The following SYNPR variants were observed in gnomAD, a reference collection of about 807,000 sequenced individuals.
SYNPR encodes synaptoporin.
SYNPR carries 23 observed loss-of-function variants against 32.9 expected under a neutral mutation model. That is an observed-to-expected ratio of 0.70 (90% CI 0.50 to 0.99). The LOEUF (loss-of-function observed/expected upper bound fraction) is 0.99. Ranked by LOEUF, SYNPR falls within the 50% of genes least tolerant of loss-of-function variation. SYNPR has a pLI of 0.00. For synonymous variants in SYNPR, 146 were observed against 135.9 expected, an observed-to-expected ratio of 1.07 and a Z score of -0.52; for missense variants, 318 against 349.3, an observed-to-expected ratio of 0.91 and a Z score of 0.71.
intron 2 of SYNPR, among the ~76,000 whole-genome samples, chr3:63,362,283 T>TTTG (rs1270024941): frequency 6.6e-6 from 1 of 152,150 alleles, no homozygotes; most frequent in Non-Finnish European, 1.5e-5. Context: ...TTTGGTGTGT[T>TTTG]TTGTTGTTGT....
chr3:63,569,113 C>T (rs1219976530), intron 4 of SYNPR, among the ~76,000 whole-genome samples: 1 of 152,070 alleles, frequency 6.6e-6, no homozygotes, highest in Non-Finnish European at 1.5e-5. Flanking sequence ...CTCTGTTTCC[C>T]TTTGTAATGA....
chr3:63,405,800 A>G (rs2088352196), intron 2 of SYNPR, among the ~76,000 whole-genome samples: 1 of 152,202 alleles, frequency 6.6e-6, no homozygotes, highest in African/African-American at 2.4e-5. Context: ...AACATTAAAT[A>G]ATAGAATCCA....
At chr3:63,295,606 A>C (rs1342350522) in intron 2 of SYNPR, among the ~76,000 whole-genome samples, 1 of 152,194 alleles carries the variant, frequency 6.6e-6, no homozygotes. Context: ...TCAGGTGGTG[A>C]ATTCTGTCAT....
rs199907356 is a variant in SYNPR, at chr3:63,243,178, GA to G, written n.67-9319del. On this transcript the variant is annotated intron_variant and non_coding_transcript_variant, in intron 1 of 4. Coordinates refer to the SYNPR transcript ENST00000478456. ...AGAGAAAATAATCAAGAATTGTCCA[GA>G]ATTGACAAAAGTAATCAATTCTAAG... 3.4e-3 allele frequency among the ~76,000 whole-genome samples: 522 copies of G among 152,022 alleles called. 1 individual carries two copies. Among genetic ancestry groups the G allele is most frequent in the African/African-American group, 0.012 (513 of 41,512 alleles).
intron 2 of SYNPR, among the ~76,000 whole-genome samples, chr3:63,410,646 G>T (rs2088451661): frequency 6.6e-6 from 1 of 152,020 alleles, no homozygotes; most frequent in African/African-American, 2.4e-5. Flanking sequence ...CCAACTGATG[G>T]GTTTCCAAAG....
intron 2 of SYNPR, among the ~76,000 whole-genome samples, chr3:63,396,397 C>G (rs1413119678): frequency 1.3e-5 from 2 of 152,174 alleles, no homozygotes; most frequent in East Asian, 3.8e-4. Context: ...AAGTCAATAT[C>G]CCATGTCTAG....
intron 1 of SYNPR, among the ~76,000 whole-genome samples, chr3:63,239,816 G>A (rs571161548): frequency 2.2e-4 from 33 of 151,162 alleles, no homozygotes; most frequent in Non-Finnish European, 3.8e-4. Context: ...TGTCAAATGT[G>A]TCACACACCC....
chr3:63,205,424 C>T, the SYNPR span, among the ~76,000 whole-genome samples: 1 of 152,202 alleles, frequency 6.6e-6, no homozygotes, highest in Non-Finnish European at 1.5e-5. Flanking sequence ...TCATGTAATA[C>T]TTAGCCTAGT....
At chr3:63,246,194 T>C (rs1003997052) in intron 1 of SYNPR, among the ~76,000 whole-genome samples, 3 of 152,100 alleles carry the variant, frequency 2.0e-5, no homozygotes, top group African/African-American at 7.2e-5. Context: ...CATGCTTTAA[T>C]AGCAGGCACT....
chr3:63,344,957 A>C (rs1014356384), intron 2 of SYNPR, among the ~76,000 whole-genome samples: 2 of 152,140 alleles, frequency 1.3e-5, no homozygotes, highest in Non-Finnish European at 2.9e-5. Context: ...TGGTATGTGT[A>C]ATGGGTCTGG....
chr3:63,492,209 G>A (rs1701269220), intron 3 of SYNPR, among the ~76,000 whole-genome samples: 3 of 152,152 alleles, frequency 2.0e-5, no homozygotes, highest in Admixed American at 1.3e-4. Flanking sequence ...AGTTGGACAG[G>A]ATCAGGCCCC....
chr3:63,376,228 C>CT (rs1413983515), intron 2 of SYNPR, among the ~76,000 whole-genome samples: 2 of 152,142 alleles, frequency 1.3e-5, no homozygotes, highest in African/African-American at 4.8e-5. Flanking sequence ...TCTAATTTTG[C>CT]TTTTAAACTT....
chr3:63,365,070 G>T (rs902478501), intron 2 of SYNPR, among the ~76,000 whole-genome samples: 5 of 152,192 alleles, frequency 3.3e-5, no homozygotes, highest in Non-Finnish European at 7.3e-5. Context: ...CTTATGATCA[G>T]TAATTACAGA....
intron 2 of SYNPR, among the ~76,000 whole-genome samples, chr3:63,293,578 A>C (rs12494555): frequency 0.23 from 34,939 of 152,108 alleles, 4,299 homozygotes; most frequent in South Asian, 0.38. Flanking sequence ...AAGTAGCTTA[A>C]ACAACAGAAA....
In SYNPR at chr3:63,438,269, CA is replaced by C. The variant is rs202204011; in HGVS notation, c.85-42561del. Among the ~76,000 whole-genome samples, 314 of 152,332 alleles carry C rather than the reference CA, an allele frequency of 2.1e-3. 5 individuals are homozygous for C. The East Asian group carries it at 0.034, about 16-fold the overall frequency. Reference sequence around the variant, plus strand: ...TTCCATCCAAAAATCCTAATTTTCTCAATCTTCTTCCACTATATTCCTTAGC... The same window carrying C: ...TTCCATCCAAAAATCCTAATTTTCTCATCTTCTTCCACTATATTCCTTAGC... On this transcript the variant is annotated intron_variant, in intron 2 of 5. Transcript: ENST00000478300.
intron 3 of SYNPR, among the ~76,000 whole-genome samples, chr3:63,272,944 G>A (rs528565252): frequency 6.6e-6 from 1 of 152,202 alleles, no homozygotes; most frequent in Non-Finnish European, 1.5e-5. Flanking sequence ...AAGATGTTGT[G>A]CTTCATGAAT....
At chr3:63,485,898 G>C (rs1183001935) in intron 3 of SYNPR, among the ~76,000 whole-genome samples, 1 of 152,136 alleles carries the variant, frequency 6.6e-6, no homozygotes, top group Non-Finnish European at 1.5e-5. Flanking sequence ...CATGTCTTGA[G>C]ACCTCATCAA....
intron 4 of SYNPR, among the ~76,000 whole-genome samples, chr3:63,596,138 G>T (rs1395803172): frequency 6.6e-6 from 1 of 150,606 alleles, no homozygotes; most frequent in Admixed American, 6.7e-5. Flanking sequence ...TCCTTTGGAG[G>T]AAAGAGGGAG....
At chr3:63,263,614 C>T (rs2086457647) in intron 2 of SYNPR, among the ~76,000 whole-genome samples, 1 of 152,132 alleles carries the variant, frequency 6.6e-6, no homozygotes, top group African/African-American at 2.4e-5. Flanking sequence ...GATCCATTTC[C>T]AAGAAGTCAC....
Sources: allele counts gnomAD v4.1 joint callset (sites outside exome capture counted in the v4.1 genomes callset), GRCh38; gene constraint gnomAD v4.1.1; transcripts MANE v1.5; gene names NCBI Gene and HGNC (gene_info 2026-07-23, HGNC 2026-07-21).